The following VEPH1 variants were observed in gnomAD, a reference collection of about 807,000 sequenced individuals.
VEPH1 encodes ventricular zone expressed PH domain containing 1, also known as ventricular zone-expressed PH domain-containing protein homolog 1.
VEPH1 carries 80 observed loss-of-function variants against 85.2 expected under a neutral mutation model. The observed-to-expected ratio is 0.94, with a 90% CI of 0.78 to 1.13. The LOEUF (loss-of-function observed/expected upper bound fraction) is 1.13. Ranked by LOEUF, VEPH1 falls within the 50% of genes most tolerant of loss-of-function variation. The pLI is 0.00. For missense variants in VEPH1, 955 were observed against 980.5 expected, an observed-to-expected ratio of 0.97 and a Z score of 0.35; for synonymous variants, 297 against 348.0, an observed-to-expected ratio of 0.85 and a Z score of 1.63.
chr3:157,366,736 A>C (rs549480713), intron 7 of VEPH1, among the ~76,000 whole-genome samples: 5 of 152,186 alleles, frequency 3.3e-5, no homozygotes, highest in East Asian at 1.9e-4. Context: ...ACTGTCTCAA[A>C]AACAACAACA....
At chr3:157,399,027 G>A (rs1042221084) in intron 6 of VEPH1, among the ~76,000 whole-genome samples, 1 of 152,054 alleles carries the variant, frequency 6.6e-6, no homozygotes, top group South Asian at 2.1e-4. Context: ...AAAAAAGTGA[G>A]TTAAAAAATG....
In VEPH1 at chr3:157,424,879, G is replaced by A. The variant is rs147234534; in HGVS notation, c.696+3443C>T. Among the ~76,000 whole-genome samples, 831 of 152,320 alleles carry A rather than the reference G, an allele frequency of 5.5e-3. 6 individuals carry two copies. The highest frequency in any genetic ancestry group is 0.019 in the African/African-American group (775 of 41,572). On this transcript the variant is annotated intron_variant, in intron 5 of 13. Coordinates refer to ENST00000362010, the MANE Select transcript of VEPH1 (RefSeq NM_001167912.2). The stretch of plus-strand genomic sequence containing the variant: ...AAAAGAAAAACCCATTTTCTGAGGA[G>A]AAATTCAAGCCGGATGCAGAAATTT...
At chr3:157,383,028 G>T (rs931431971) in intron 6 of VEPH1, among the ~76,000 whole-genome samples, 1 of 151,892 alleles carries the variant, frequency 6.6e-6, no homozygotes, top group Non-Finnish European at 1.5e-5. Flanking sequence ...TGTAGAGACA[G>T]GGTCTCACCG....
In VEPH1 at chr3:157,470,389, G is replaced by A. The variant is rs532806977; in HGVS notation, c.279C>T (p.Asn93=). The A allele has an allele frequency of 1.9e-6, 3 of 1,614,062 alleles. No individual in the cohort carries two copies. Among genetic ancestry groups the A allele is most frequent in the Middle Eastern group, 1.6e-4 (1 of 6,062 alleles). The change falls in exon 3 of 14, where the codon AAC becomes AAT. Residue 93 remains asparagine (N), a synonymous_variant. Transcript: ENST00000362010. ...CTTCGTCTTTCCCAAAGGGTCTCAG[G>A]TTATGTTCCAAGCAGGAGTCCCAGA... ...VGLWDSCLEH[N]LRPFGKDEDT... is the part of the protein sequence containing the mutation.
intron 4 of VEPH1, among the ~76,000 whole-genome samples, chr3:157,438,069 A>ACACACACACACC (rs1237245016): frequency 4.4e-4 from 66 of 149,652 alleles, no homozygotes; most frequent in African/African-American, 9.7e-4. Context: ...ACACACACAC[A>ACACACACACACC]CACCCCTATT....
At chr3:157,420,395 G>A (rs7624732) in intron 5 of VEPH1, among the ~76,000 whole-genome samples, 3,906 of 151,998 alleles carry the variant, frequency 0.026, 184 homozygotes, top group African/African-American at 0.09. Context: ...ACACATGTGC[G>A]TGGGCACACA....
chr3:157,388,051 C>T lies in VEPH1; in HGVS notation c.907-6675G>A, dbSNP rs564971839. ...GCCTGAATGAAAATATTGCATTTCC[C>T]GGGCATTTGTATTTTACACCATTTG... is the stretch of plus-strand genomic sequence containing the variant. On this transcript the variant is annotated intron_variant, in intron 6 of 13. Transcript: ENST00000362010. 1.6e-4 allele frequency among the ~76,000 whole-genome samples: 24 copies of T among 152,188 alleles called. No individual in the cohort carries two copies. The South Asian group carries it at 2.7e-3, about 17-fold the overall frequency.
intron 3 of VEPH1, among the ~76,000 whole-genome samples, chr3:157,468,327 A>G (rs975572357): frequency 1.3e-5 from 2 of 152,202 alleles, no homozygotes; most frequent in Admixed American, 6.5e-5. Flanking sequence ...TCAGATATGT[A>G]AGAATTGTGT....
chr3:157,444,432 AT>A (rs1336221112), intron 4 of VEPH1, among the ~76,000 whole-genome samples: 1 of 152,232 alleles, frequency 6.6e-6, no homozygotes, highest in East Asian at 1.9e-4. Context: ...TCATATAAGT[AT>A]AGCTTCATTC....
intron 9 of VEPH1, among the ~76,000 whole-genome samples, chr3:157,329,095 C>G (rs1180757336): frequency 6.6e-6 from 1 of 152,092 alleles, no homozygotes; most frequent in African/African-American, 2.4e-5. Flanking sequence ...TAATTTATAC[C>G]CATTTATTTT....
chr3:157,286,627 G>A lies in VEPH1; in HGVS notation c.2058C>T (p.Asp686=), dbSNP rs753953623. The change falls in exon 12 of 14, where the codon GAC becomes GAT. Residue 686 remains aspartate (D), a synonymous_variant. Transcript: ENST00000362010. ...CTGCTGTTTCACTGAAGCCAAACAC[G>A]TCAAAGAACCTCACTTCTTCCAGAT... ...QLHLEEVRFF[D]VFGFSETAGA... 1.2e-5 allele frequency: 19 copies of A among 1,614,084 alleles called. No homozygotes were observed. The highest frequency in any genetic ancestry group is 1.7e-4 in the Middle Eastern group (1 of 6,060).
rs548218296 is a variant in VEPH1, at chr3:157,409,560, T to C, written c.906+4321A>G. ...AAGATTTCTGAGTTAATCTGGGAGA[T>C]AGAGAAAATAAGAATCTGTAGGATT... On this transcript the variant is annotated intron_variant, in intron 6 of 13. Coordinates refer to ENST00000362010, the MANE Select transcript of VEPH1 (RefSeq NM_001167912.2). 481 of 917,716 alleles carry C rather than the reference T, an allele frequency of 5.2e-4. 1 individual carries two copies. The highest frequency in any genetic ancestry group is 6.1e-4 in the Non-Finnish European group (465 of 767,720). 56.8% of individuals were successfully genotyped at this position (917,716 alleles called of 1,614,324 possible).
intron 9 of VEPH1, among the ~76,000 whole-genome samples, chr3:157,346,157 C>A (rs190915632): frequency 6.6e-6 from 1 of 152,100 alleles, no homozygotes; most frequent in East Asian, 1.9e-4. Context: ...TACACATGTA[C>A]CCTAGAACTT....
intron 6 of VEPH1, among the ~76,000 whole-genome samples, chr3:157,408,963 C>A (rs532873990): frequency 6.6e-6 from 1 of 152,140 alleles, no homozygotes; most frequent in East Asian, 1.9e-4. Context: ...TGGATGAGAC[C>A]ACAGAAGACT....
chr3:157,437,859 G>C (rs555169605), intron 4 of VEPH1: 4 of 1,498,822 alleles, frequency 2.7e-6, no homozygotes, highest in Non-Finnish European at 2.6e-6. Flanking sequence ...TGCGGCAGAC[G>C]CGAGCCGACC....
chr3:157,476,640 T>C (rs1416001941), intron 2 of VEPH1, among the ~76,000 whole-genome samples: 3 of 152,150 alleles, frequency 2.0e-5, no homozygotes, highest in Non-Finnish European at 4.4e-5. Context: ...GCAGTACACA[T>C]ACTAAAACAG....
chr3:157,458,984 T>C (rs1231686154), intron 4 of VEPH1, among the ~76,000 whole-genome samples: 3 of 152,176 alleles, frequency 2.0e-5, no homozygotes, highest in Admixed American at 6.5e-5. Context: ...TGAAAAACCA[T>C]CTATGTTACT....
At chr3:157,493,794 T>G (rs750969828) in intron 2 of VEPH1, among the ~76,000 whole-genome samples, 19 of 152,172 alleles carry the variant, frequency 1.2e-4, no homozygotes, top group Non-Finnish European at 2.4e-4. Flanking sequence ...CAATTAATGA[T>G]GCAAACAAAA....
intron 11 of VEPH1, among the ~76,000 whole-genome samples, chr3:157,310,965 T>C (rs944514320): frequency 2.8e-4 from 43 of 152,186 alleles, no homozygotes; most frequent in African/African-American, 9.4e-4. Context: ...AGGGTATGTG[T>C]ATCAGTTCTA....
Sources: gnomAD v4.1 joint callset for allele counts (sites outside exome capture counted in the v4.1 genomes callset) on GRCh38, gnomAD v4.1.1 for gene constraint, MANE v1.5 for transcripts, NCBI Gene and HGNC (gene_info 2026-07-23, HGNC 2026-07-21) for gene names.